SKOR1: variants seen among roughly 807,000 people sequenced by gnomAD.
The protein encoded by SKOR1 is SKI family transcriptional corepressor 1.
SKOR1 carries 38 observed loss-of-function variants against 72.4 expected under a neutral mutation model. That is an observed-to-expected ratio of 0.52 (90% CI 0.40 to 0.69). SKOR1 has a LOEUF of 0.69. Ranked by LOEUF, SKOR1 falls within the 30% of genes least tolerant of loss-of-function variation. SKOR1 has a pLI of 0.00. For missense variants in SKOR1, 1,320 were observed against 1,343.2 expected (o/e 0.98, Z 0.27); for synonymous variants, 642 against 599.4 (o/e 1.07, Z -1.04).
chr15:67,833,020 A>G lies in SKOR1; in HGVS notation c.2738-172A>G, dbSNP rs1243403939. ...CTGCCTTTAAGCGCCATCCCAGGCC[A>G]TTTCCTTCCTCCGCCAGTCTGCAGT... is the stretch of plus-strand genomic sequence containing the variant. On this transcript the variant is annotated intron_variant, in intron 7 of 8. Coordinates refer to ENST00000380035, the MANE Select transcript of SKOR1 (RefSeq NM_001365915.1). The surrounding 1 kb of genome is among the most constrained non-coding windows in gnomAD (Gnocchi z 6.0). The G allele has an allele frequency of 1.5e-6, 1 of 680,188 alleles. No homozygotes were observed. Among genetic ancestry groups the G allele is most frequent in the Non-Finnish European group, 2.5e-6 (1 of 396,234 alleles). The allele number at this position is 680,188 out of a possible 1,614,324, so 42.1% of individuals were successfully genotyped here. A position where few individuals can be genotyped will look rare whatever the true frequency, so the allele number is the denominator to read the frequency against.
Position 67,833,111 on chromosome 15 carries a change from G to A in SKOR1, c.2738-81G>A, listed in dbSNP as rs1453341098. On this transcript the variant is annotated intron_variant, in intron 7 of 8. Coordinates refer to ENST00000380035, the MANE Select transcript of SKOR1 (RefSeq NM_001365915.1). This position sits in a 1 kb window ranked among gnomAD's most constrained non-coding sequence, Gnocchi z 6.0. Reference sequence around the variant, plus strand: ...TCTGCGCGGAGCTTAGCCCTGGGGAGAGGAGGAAGCCCGGGCTGTGACCCC... The same window carrying A: ...TCTGCGCGGAGCTTAGCCCTGGGGAAAGGAGGAAGCCCGGGCTGTGACCCC... 1 of 1,467,522 alleles carries A rather than the reference G, an allele frequency of 6.8e-7. No homozygotes were observed. The highest frequency in any genetic ancestry group is 1.7e-5 in the Admixed American group (1 of 57,540). 90.9% of individuals were successfully genotyped at this position (1,467,522 alleles called of 1,614,324 possible).
At position 67,825,636 on chromosome 15, in the gene SKOR1, C is replaced by G. The variant is rs770917423; in HGVS notation, c.34C>G (p.Leu12Val). ...GCTGTGTGGCCTTGGGCAAGTCACT[C>G]TGCGTATCTGGGTTTCACTTCCTTC... ...ALLCGLGQVT[L>V]RIWVSLPSQS... is the part of the protein sequence containing the mutation. Residue 12 changes from leucine (L) to valine (V), a missense_variant, in exon 1 of 9, where the codon CTG becomes GTG. Physicochemically the swap from Leu to Val is conservative, Grantham distance 32. Coordinates refer to ENST00000380035, the MANE Select transcript of SKOR1 (RefSeq NM_001365915.1). This position sits in a 1 kb window ranked among gnomAD's most constrained non-coding sequence, Gnocchi z 5.6. 2.8e-6 allele frequency: 2 copies of G among 719,916 alleles called. No individual in the cohort carries two copies. Among genetic ancestry groups the G allele is most frequent in the Non-Finnish European group, 2.6e-6 (1 of 386,260 alleles). The allele number at this position is 719,916 out of a possible 1,614,324, so 44.6% of individuals were successfully genotyped here. A position where few individuals can be genotyped will look rare whatever the true frequency, so the allele number is the denominator to read the frequency against.
At chr15:67,828,871 G>A (rs567158936) in intron 2 of SKOR1, among the ~76,000 whole-genome samples, 1 of 152,362 alleles carries the variant, frequency 6.6e-6, no homozygotes, top group African/African-American at 2.4e-5. Flanking sequence ...TGCCGCGGAC[G>A]GGGCACTGGC....
Position 67,833,935 on chromosome 15 carries a change from C to G in SKOR1, c.*99C>G. ...GAGCGAGGAACAAGCCATTCGGACCCGACCGATGTAAATACAGCCGCCCGT... is the reference window on the plus strand; with the variant it reads ...GAGCGAGGAACAAGCCATTCGGACCGGACCGATGTAAATACAGCCGCCCGT... On this transcript the variant is annotated 3_prime_UTR_variant, in exon 9 of 9. Coordinates refer to ENST00000380035, the MANE Select transcript of SKOR1 (RefSeq NM_001365915.1). The surrounding 1 kb of genome is among the most constrained non-coding windows in gnomAD (Gnocchi z 6.0). The G allele has an allele frequency of 2.3e-6, 3 of 1,330,004 alleles. No homozygotes were observed. Among genetic ancestry groups the G allele is most frequent in the Non-Finnish European group, 3.2e-6 (3 of 939,540 alleles). The allele number at this position is 1,330,004 out of a possible 1,614,324, so 82.4% of individuals were successfully genotyped here.
chr15:67,827,267 C>T lies in SKOR1; in HGVS notation c.1439C>T (p.Ala480Val), dbSNP rs1215491324. Residue 480 changes from alanine (A) to valine (V), a missense_variant, in exon 2 of 9, where the codon GCC becomes GTC. Physicochemically the swap from Ala to Val is moderately conservative, Grantham distance 64. This residue lies in a region of SKOR1 where 1,099 missense variants were observed against 1,025.5 expected (regional missense o/e 1.07). Coordinates refer to ENST00000380035, the MANE Select transcript of SKOR1 (RefSeq NM_001365915.1). ...KDAAAVAAAA[A>V]AATVYPTFPM... ...GCAGCGGCAGTGGCTGCAGCGGCCG[C>T]CGCCGCCACTGTGTACCCGACGTTT... 1.3e-6 allele frequency: 2 copies of T among 1,576,896 alleles called. No individual in the cohort carries two copies. The highest frequency in any genetic ancestry group is 1.4e-5 in the African/African-American group (1 of 72,208).
At position 67,827,298 on chromosome 15, in the gene SKOR1, G is replaced by A. The variant is rs768464361; in HGVS notation, c.1470G>A (p.Met490Ile). 6.3e-7 allele frequency: 1 copy of A among 1,589,550 alleles called. No individual in the cohort carries two copies. Among genetic ancestry groups the A allele is most frequent in the East Asian group, 2.3e-5 (1 of 43,794 alleles). The change falls in exon 2 of 9, where the codon ATG (methionine) becomes ATA (isoleucine). Residue 490 changes from methionine (M) to isoleucine (I), a missense_variant. Around this residue, in one of 3 missense-constraint regions of SKOR1, gnomAD observed 1,099 missense variants for 1,025.5 expected, o/e 1.07. Coordinates refer to ENST00000380035, the MANE Select transcript of SKOR1 (RefSeq NM_001365915.1). ...CCACTGTGTACCCGACGTTTCCCAT[G>A]TTCTGGCCAGCAGCAGGCAGCCTCC... is the stretch of plus-strand genomic sequence containing the variant. ...AAATVYPTFP[M>I]FWPAAGSLPV...
rs1325249021 is a variant in SKOR1, at chr15:67,825,813, T to C, written c.107+104T>C. 11 of 1,530,192 alleles carry C rather than the reference T, an allele frequency of 7.2e-6. No homozygotes were observed. Among genetic ancestry groups the C allele is most frequent in the South Asian group, 3.7e-5 (3 of 82,068 alleles). The allele number at this position is 1,530,192 out of a possible 1,614,324, so 94.8% of individuals were successfully genotyped here. Reference sequence around the variant, plus strand: ...ACGCCTGTCCAGGGGGTGAATGAGTTTGGACTCCCCACTGCCAAGTATCCC... The same window carrying C: ...ACGCCTGTCCAGGGGGTGAATGAGTCTGGACTCCCCACTGCCAAGTATCCC... On this transcript the variant is annotated intron_variant, in intron 1 of 8. Transcript: ENST00000380035. This position sits in a 1 kb window ranked among gnomAD's most constrained non-coding sequence, Gnocchi z 5.6.
chr15:67,827,422 GC>G lies in SKOR1; in HGVS notation c.1598del (p.Pro533GlnfsTer102). ...AAAAAAAGSG[A>X]PEPLDGAEPA... ...GGCAGCGGCAGCTGCTGGCAGCGGT[GC>G]CCCAGAGCCCCTGGACGGTGCCGAG... On this transcript the variant is annotated frameshift_variant, in exon 2 of 9. Transcript: ENST00000380035. LOFTEE classifies it high-confidence loss of function. 6.6e-7 allele frequency: 1 copy of G among 1,521,550 alleles called. No homozygotes were observed. The highest frequency in any genetic ancestry group is 1.4e-5 in the African/African-American group (1 of 70,644). 94.3% of individuals were successfully genotyped at this position (1,521,550 alleles called of 1,614,324 possible).
At chr15:67,830,958 G>T in intron 5 of SKOR1, 69 bp downstream of exon 5, 3 of 1,477,722 alleles carry the variant, frequency 2.0e-6, no homozygotes, top group Non-Finnish European at 2.8e-6. Flanking sequence ...GTAGAGGGGT[G>T]TTATCCCTGT....
In SKOR1 at chr15:67,833,074, C is replaced by T. The variant is rs191514435; in HGVS notation, c.2738-118C>T. 1.4e-5 allele frequency: 14 copies of T among 1,022,962 alleles called. No homozygotes were observed. The highest frequency in any genetic ancestry group is 2.2e-4 in the Middle Eastern group (1 of 4,562). The allele number at this position is 1,022,962 out of a possible 1,614,324, so 63.4% of individuals were successfully genotyped here. The stretch of plus-strand genomic sequence containing the variant: ...GAGCTCCGGTACCCCCTCCCCCATC[C>T]CTGGAGTTGTTTCTGCGCGGAGCTT... On this transcript the variant is annotated intron_variant, in intron 7 of 8. Coordinates refer to ENST00000380035, the MANE Select transcript of SKOR1 (RefSeq NM_001365915.1). The surrounding 1 kb of genome is among the most constrained non-coding windows in gnomAD (Gnocchi z 6.0).
At chr15:67,829,475 C>T (rs1480584630) in intron 3 of SKOR1, among the ~76,000 whole-genome samples, 31 of 152,274 alleles carry the variant, frequency 2.0e-4, no homozygotes, top group Non-Finnish European at 1.6e-4. Context: ...TGACAACGCC[C>T]TCTCCACCAC....
rs1309860074 is a variant in SKOR1 at position 67,832,401 on chromosome 15, G to T, written c.2662+53G>T. ...ACCTCATCACCGAGCCTTCCACCAGGGTGCCCCGACCTACTCCGAAAGCCG... is the reference window on the plus strand; with the variant it reads ...ACCTCATCACCGAGCCTTCCACCAGTGTGCCCCGACCTACTCCGAAAGCCG... On this transcript the variant is annotated intron_variant, in intron 6 of 8. Coordinates refer to ENST00000380035, the MANE Select transcript of SKOR1 (RefSeq NM_001365915.1). The surrounding 1 kb of genome is among the most constrained non-coding windows in gnomAD (Gnocchi z 4.5). 3.8e-6 allele frequency: 6 copies of T among 1,598,576 alleles called. No individual in the cohort carries two copies. Among genetic ancestry groups the T allele is most frequent in the Non-Finnish European group, 5.1e-6 (6 of 1,167,168 alleles).
At position 67,826,704 on chromosome 15, in the gene SKOR1, C is replaced by T. The variant is rs746508508; in HGVS notation, c.876C>T (p.Gly292=). The T allele has an allele frequency of 7.3e-6, 7 of 953,160 alleles. No homozygotes were observed. Among genetic ancestry groups the T allele is most frequent in the African/African-American group, 3.2e-5 (2 of 61,598 alleles). The allele number at this position is 953,160 out of a possible 1,614,324, so 59.0% of individuals were successfully genotyped here. A position where few individuals can be genotyped will look rare whatever the true frequency, so the allele number is the denominator to read the frequency against. The change falls in exon 2 of 9, where the codon GGC becomes GGT. Residue 292 remains glycine, a synonymous_variant. Coordinates refer to ENST00000380035, the MANE Select transcript of SKOR1 (RefSeq NM_001365915.1). ...LQGGGGGGAN[G]GSGGQGKGGA... is the part of the protein sequence containing the mutation. ...GAGGCGGCGGAGGCGGTGCCAATGG[C>T]GGGTCGGGTGGGCAGGGGAAGGGTG...
In SKOR1 at chr15:67,825,827, G is replaced by A; in HGVS notation, c.108-109G>A. ...GGTGAATGAGTTTGGACTCCCCACT[G>A]CCAAGTATCCCCCGCGCGCCCAACT... On this transcript the variant is annotated intron_variant, in intron 1 of 8. Coordinates refer to ENST00000380035, the MANE Select transcript of SKOR1 (RefSeq NM_001365915.1). The surrounding 1 kb of genome is among the most constrained non-coding windows in gnomAD (Gnocchi z 5.6). 6.6e-7 allele frequency: 1 copy of A among 1,522,264 alleles called. No individual in the cohort carries two copies. Among genetic ancestry groups the A allele is most frequent in the South Asian group, 1.3e-5 (1 of 78,240 alleles). 94.3% of individuals were successfully genotyped at this position (1,522,264 alleles called of 1,614,324 possible).
chr15:67,833,662 C>A lies in SKOR1; in HGVS notation c.2804-80C>A. 7.0e-7 allele frequency: 1 copy of A among 1,435,288 alleles called. No homozygotes were observed. The highest frequency in any genetic ancestry group is 9.8e-7 in the Non-Finnish European group (1 of 1,021,852). 88.9% of individuals were successfully genotyped at this position (1,435,288 alleles called of 1,614,324 possible). On this transcript the variant is annotated intron_variant, in intron 8 of 8. Transcript: ENST00000380035. The surrounding 1 kb of genome is among the most constrained non-coding windows in gnomAD (Gnocchi z 6.0). Reference sequence around the variant, plus strand: ...CCTGACCCCAAAGGGTTGGTAAGGCCGGGGAGGGGAAAGGGTGGACTGCGC... The same window carrying A: ...CCTGACCCCAAAGGGTTGGTAAGGCAGGGGAGGGGAAAGGGTGGACTGCGC...
At position 67,827,416 on chromosome 15, in the gene SKOR1, A is replaced by C; in HGVS notation, c.1588A>C (p.Ser530Arg). Residue 530 changes from serine to arginine, a missense_variant, in exon 2 of 9, where the codon AGC becomes CGC. Ser to Arg is a moderately radical substitution (Grantham distance 110, BLOSUM62 -1). Coordinates refer to ENST00000380035, the MANE Select transcript of SKOR1 (RefSeq NM_001365915.1). ...GGCGGCGGCAGCGGCAGCTGCTGGC[A>C]GCGGTGCCCCAGAGCCCCTGGACGG... ...AAAAAAAAAGSGAPEPLDGAE... is the reference protein window; with the variant it reads ...AAAAAAAAAGRGAPEPLDGAE... 6.6e-7 allele frequency: 1 copy of C among 1,524,580 alleles called. No homozygotes were observed. Among genetic ancestry groups the C allele is most frequent in the Non-Finnish European group, 8.7e-7 (1 of 1,143,080 alleles). The allele number at this position is 1,524,580 out of a possible 1,614,324, so 94.4% of individuals were successfully genotyped here.
At position 67,832,372 on chromosome 15, in the gene SKOR1, C is replaced by T; in HGVS notation, c.2662+24C>T. The T allele has an allele frequency of 1.2e-6, 2 of 1,611,888 alleles. No homozygotes were observed. The highest frequency in any genetic ancestry group is 1.7e-6 in the Non-Finnish European group (2 of 1,178,206). ...AGGTACCCACTGCCATCCTGCCTCA[C>T]CCCACCTCATCACCGAGCCTTCCAC... On this transcript the variant is annotated intron_variant, in intron 6 of 8. Coordinates refer to ENST00000380035, the MANE Select transcript of SKOR1 (RefSeq NM_001365915.1). This position sits in a 1 kb window ranked among gnomAD's most constrained non-coding sequence, Gnocchi z 4.5.
At chr15:67,829,772 C>T (rs577264663) in intron 3 of SKOR1, among the ~76,000 whole-genome samples, 15 of 152,356 alleles carry the variant, frequency 9.8e-5, no homozygotes, top group Non-Finnish European at 1.3e-4. Flanking sequence ...AGCGGAAAAT[C>T]GGGCAGGTCG....
At position 67,832,329 on chromosome 15, in the gene SKOR1, G is replaced by A; in HGVS notation, c.2643G>A (p.Arg881=). 1 of 1,614,126 alleles carries A rather than the reference G, an allele frequency of 6.2e-7. No individual in the cohort carries two copies. Among genetic ancestry groups the A allele is most frequent in the South Asian group, 1.1e-5 (1 of 91,078 alleles). Residue 881 remains arginine (R), a synonymous_variant, in exon 6 of 9, where the codon CGG becomes CGA. Coordinates refer to ENST00000380035, the MANE Select transcript of SKOR1 (RefSeq NM_001365915.1). This position sits in a 1 kb window ranked among gnomAD's most constrained non-coding sequence, Gnocchi z 4.5. Reference sequence around the variant, plus strand: ...TGGAGCTCCGCAAGAAGCTGGAACGGGAATTTCAGAGTCTCAAAGGTACCC... The same window carrying A: ...TGGAGCTCCGCAAGAAGCTGGAACGAGAATTTCAGAGTCTCAAAGGTACCC... ...EQMELRKKLE[R]EFQSLKDNFQ... is the part of the protein sequence containing the mutation.
Sources: gnomAD v4.1 joint callset for allele counts (sites outside exome capture counted in the v4.1 genomes callset) on GRCh38, gnomAD v4.1.1 for gene constraint, gnomAD v4.1.1 regional missense constraint, Gnocchi (gnomAD v3.1) non-coding constraint, MANE v1.5 for transcripts, NCBI Gene and HGNC (gene_info 2026-07-23, HGNC 2026-07-21) for gene names.